TPRG1: variants seen among roughly 807,000 people sequenced by gnomAD.
The protein encoded by TPRG1 is tumor protein p63-regulated gene 1 protein.
In TPRG1, 29 loss-of-function variants were observed where a neutral mutation model predicts 29.3. That is an observed-to-expected ratio of 0.99 (90% CI 0.74 to 1.35). The LOEUF is 1.35. Among genes scored for constraint, TPRG1 ranks in the 40% most tolerant of loss-of-function variants. The pLI, the probability that TPRG1 is intolerant of heterozygous loss-of-function variation, is 0.00. For synonymous variants in TPRG1, 130 were observed against 116.8 expected (o/e 1.11, Z -0.73); for missense variants, 327 against 335.0 (o/e 0.98, Z 0.19).
intron 4 of TPRG1, among the ~76,000 whole-genome samples, chr3:189,035,831 A>G (rs954770715): frequency 5.3e-5 from 8 of 152,186 alleles, no homozygotes; most frequent in Non-Finnish European, 1.0e-4. Flanking sequence ...GGGAATGTAA[A>G]TTAGTGCATC....
At chr3:189,287,466 C>T (rs1339881446) in intron 4 of TPRG1, among the ~76,000 whole-genome samples, 3 of 151,006 alleles carry the variant, frequency 2.0e-5, no homozygotes, top group African/African-American at 7.3e-5. Flanking sequence ...GGCACGATCT[C>T]GGCTCACTGC....
At chr3:189,144,829 A>C (rs2108579097) in intron 3 of TPRG1, among the ~76,000 whole-genome samples, 1 of 152,336 alleles carries the variant, frequency 6.6e-6, no homozygotes. Context: ...AGGAAGTTTT[A>C]GCAGTGGACT....
intron 4 of TPRG1, among the ~76,000 whole-genome samples, chr3:189,048,256 T>C (rs192798294): frequency 2.5e-4 from 38 of 152,350 alleles, no homozygotes; most frequent in Admixed American, 2.3e-3. Flanking sequence ...CTAAGTGCAT[T>C]GTCAATGAGC....
chr3:189,316,180 G>A (rs559925148), intron 5 of TPRG1, among the ~76,000 whole-genome samples: 8 of 152,300 alleles, frequency 5.3e-5, no homozygotes, highest in African/African-American at 1.7e-4. Context: ...GATGGAAATT[G>A]CTATGGGTAG....
chr3:189,275,959 T>C (rs1716069471), intron 4 of TPRG1, among the ~76,000 whole-genome samples: 1 of 152,172 alleles, frequency 6.6e-6, no homozygotes, highest in South Asian at 2.1e-4. Context: ...ATTGTAGGGA[T>C]ATCTTGTTCA....
intron 4 of TPRG1, among the ~76,000 whole-genome samples, chr3:189,274,872 T>C (rs1715836714): frequency 6.6e-6 from 1 of 151,912 alleles, no homozygotes; most frequent in Admixed American, 6.6e-5. Flanking sequence ...TTTTTTCTTA[T>C]AAAAATAAAT....
chr3:188,998,705 G>T (rs1711901775), intron 1 of TPRG1, among the ~76,000 whole-genome samples: 1 of 152,176 alleles, frequency 6.6e-6, no homozygotes, highest in African/African-American at 2.4e-5. Flanking sequence ...ATTTTGTTAA[G>T]TGATAAGCCA....
At chr3:189,305,042 G>A (rs986271400) in intron 4 of TPRG1, among the ~76,000 whole-genome samples, 2 of 152,172 alleles carry the variant, frequency 1.3e-5, no homozygotes, top group African/African-American at 2.4e-5. Context: ...GATTTGAGAT[G>A]AGTAGAAAGG....
intron 1 of TPRG1, among the ~76,000 whole-genome samples, chr3:189,113,351 A>G (rs970883240): frequency 4.6e-5 from 7 of 152,100 alleles, no homozygotes; most frequent in African/African-American, 1.7e-4. Flanking sequence ...CTCTTTTCCT[A>G]ATTGAATACC....
intron 4 of TPRG1, among the ~76,000 whole-genome samples, chr3:189,079,067 C>T (rs1451085044): frequency 6.6e-6 from 1 of 152,000 alleles, no homozygotes; most frequent in Admixed American, 6.6e-5. Context: ...CTGGTGAGGG[C>T]CTCAGGAAGC....
At chr3:189,025,782 G>A (rs1404600896) in intron 4 of TPRG1, among the ~76,000 whole-genome samples, 1 of 152,132 alleles carries the variant, frequency 6.6e-6, no homozygotes, top group East Asian at 1.9e-4. Context: ...GTTGTCTTTT[G>A]AGTATCTAAG....
At chr3:189,167,400 C>G (rs1331115219), upstream of TPRG1, among the ~76,000 whole-genome samples, 2 of 152,152 alleles carry the variant, frequency 1.3e-5, no homozygotes, top group African/African-American at 4.8e-5. Context: ...TTATGGGGAG[C>G]CCTTCTCCCT....
At chr3:189,285,637 A>G (rs1209226013) in intron 4 of TPRG1, among the ~76,000 whole-genome samples, 3 of 152,208 alleles carry the variant, frequency 2.0e-5, no homozygotes, top group Non-Finnish European at 4.4e-5. Context: ...AGCCTTTTTC[A>G]CATCAATATT....
At chr3:189,148,299 CA>C (rs2108591337) in intron 4 of TPRG1, among the ~76,000 whole-genome samples, 1 of 152,314 alleles carries the variant, frequency 6.6e-6, no homozygotes, top group East Asian at 1.9e-4. Context: ...AGCAAAACAG[CA>C]ACGTATAAAA....
At chr3:189,230,211 A>G (rs1738424445) in intron 3 of TPRG1, among the ~76,000 whole-genome samples, 4 of 152,010 alleles carry the variant, frequency 2.6e-5, no homozygotes, top group Admixed American at 2.6e-4. Flanking sequence ...ATATCCTCTT[A>G]CTGATGGTAG....
chr3:189,033,520 A>G (rs190155183), intron 4 of TPRG1, among the ~76,000 whole-genome samples: 3 of 151,784 alleles, frequency 2.0e-5, no homozygotes, highest in African/African-American at 7.2e-5. Flanking sequence ...GAGCTCAAGT[A>G]ATCTGCCCTC....
In TPRG1 at chr3:189,139,476, A is replaced by G. The variant is rs1378460882; in HGVS notation, c.-291+6779A>G. 3.3e-5 allele frequency among the ~76,000 whole-genome samples: 5 copies of G among 152,206 alleles called. No homozygotes were observed. The East Asian group carries it at 5.8e-4, about 18-fold the overall frequency. On this transcript the variant is annotated intron_variant, in intron 3 of 6. Coordinates refer to the TPRG1 transcript ENST00000412373. The stretch of plus-strand genomic sequence containing the variant: ...AGCACGTACATGTTAGCTGTCAAAC[A>G]GTGCGTGCCGCATCTGACAACCCTA...
rs962811934 is a variant in TPRG1, at chr3:189,206,873, G to A, written c.-9-503G>A. Among the ~76,000 whole-genome samples, 10 of 151,820 alleles carry A rather than the reference G, an allele frequency of 6.6e-5. No individual in the cohort carries two copies. The South Asian group carries it at 8.3e-4, about 13-fold the overall frequency. ...CGTGTGTGTGAGTCTTTGGGTATTC[G>A]TCTAATTATTTTCTTAGAATAAATT... On this transcript the variant is annotated intron_variant, in intron 1 of 5. Coordinates refer to ENST00000345063, the MANE Select transcript of TPRG1 (RefSeq NM_198485.4).
chr3:189,076,923 C>CATATATATATAT (rs150949911), intron 4 of TPRG1, among the ~76,000 whole-genome samples: 3 of 140,618 alleles, frequency 2.1e-5, no homozygotes, highest in African/African-American at 8.6e-5. Flanking sequence ...TATATGTGTA[C>CATATATATATAT]ATATATATAT....
Sources: gnomAD v4.1 joint callset for allele counts (sites outside exome capture counted in the v4.1 genomes callset) on GRCh38, gnomAD v4.1.1 for gene constraint, MANE v1.5 for transcripts, NCBI Gene and HGNC (gene_info 2026-07-23, HGNC 2026-07-21) for gene names.